Variants in PRKDC observed in about 807,000 individuals in gnomAD.
PRKDC encodes the protein protein kinase, DNA-activated, catalytic subunit.
In PRKDC, 82 loss-of-function variants were observed where a neutral mutation model predicts 486.9. The ratio of observed to expected loss-of-function variants is 0.17; its 90% CI spans 0.14 to 0.20. The LOEUF is 0.20. Among genes scored for constraint, PRKDC ranks in the 10% least tolerant of loss-of-function variants. The pLI is 1.00. For missense variants in PRKDC, 4,504 were observed against 5,038.2 expected, an observed-to-expected ratio of 0.89 and a Z score of 3.21; for synonymous variants, 1,895 against 1,837.0, an observed-to-expected ratio of 1.03 and a Z score of -0.81.
rs201478998 is a variant in PRKDC at position 47,858,730 on chromosome 8, C to CA, written c.6346-96dup. ...AAACAAGGACAAAGTAAGACATGAA[C>CA]AAAAAAAAATCACATTTATTTGATA... On this transcript the variant is annotated intron_variant, in intron 47 of 85. Transcript: ENST00000314191. 1,385 of 1,429,704 alleles carry CA rather than the reference C, an allele frequency of 9.7e-4. 9 individuals are homozygous for CA. The African/African-American group carries it at 0.012, about 12-fold the overall frequency. The allele number at this position is 1,429,704 out of a possible 1,614,324, so 88.6% of individuals were successfully genotyped here.
At chr8:47,786,639 A>G (rs1269693602) in intron 76 of PRKDC, among the ~76,000 whole-genome samples, 1 of 152,142 alleles carries the variant, frequency 6.6e-6, no homozygotes, top group Non-Finnish European at 1.5e-5. Flanking sequence ...AGCTGAAGAG[A>G]AAAATTTAAG....
chr8:47,939,963 A>C (rs964870499), intron 10 of PRKDC: 3 of 231,146 alleles, frequency 1.3e-5, no homozygotes, highest in East Asian at 8.1e-5. Context: ...AAAAAAAAAA[A>C]AAAAAAACCA....
In PRKDC at chr8:47,820,722, C is replaced by A. The variant is rs1301085461; in HGVS notation, c.9333G>T (p.Met3111Ile). ...YYIQNGIQSFMQNYSSIDVLL... is the reference protein window; with the variant it reads ...YYIQNGIQSFIQNYSSIDVLL... ...TATATATAATATATAGTATTACCTG[C>A]ATAAAACTCTGAATGCCATTTTGAA... Residue 3111 changes from methionine (M) to isoleucine (I), a missense_variant, in exon 66 of 86, where the codon ATG (methionine) becomes ATT (isoleucine). Transcript: ENST00000314191. The A allele has an allele frequency of 1.3e-6, 2 of 1,519,604 alleles. No individual in the cohort carries two copies. Among genetic ancestry groups the A allele is most frequent in the Non-Finnish European group, 1.8e-6 (2 of 1,123,804 alleles). 94.1% of individuals were successfully genotyped at this position (1,519,604 alleles called of 1,614,324 possible).
intron 40 of PRKDC, among the ~76,000 whole-genome samples, chr8:47,865,061 A>G (rs1009820066): frequency 1.3e-5 from 2 of 152,266 alleles, no homozygotes; most frequent in Admixed American, 6.5e-5. Context: ...AAGAATCTCA[A>G]GCCTAAAAAA....
chr8:47,852,487 G>T (rs1360271026), intron 52 of PRKDC, among the ~76,000 whole-genome samples, 186 bp downstream of exon 52: 1 of 152,152 alleles, frequency 6.6e-6, no homozygotes, highest in Non-Finnish European at 1.5e-5. Flanking sequence ...TAAAAATCAT[G>T]TGCCCTCTCT....
intron 20 of PRKDC, among the ~76,000 whole-genome samples, 160 bp downstream of exon 20, chr8:47,927,611 C>T (rs947652906): frequency 2.3e-4 from 35 of 152,172 alleles, no homozygotes; most frequent in Non-Finnish European, 7.3e-5. Context: ...CACCAAGGGT[C>T]TAAGTCCCAA....
chr8:47,914,609 G>C (rs1057485459), intron 23 of PRKDC, among the ~76,000 whole-genome samples: 2 of 152,082 alleles, frequency 1.3e-5, no homozygotes, highest in African/African-American at 4.8e-5. Context: ...AGACCAGCCT[G>C]GCCAACATGG....
At position 47,936,373 on chromosome 8, in the gene PRKDC, C is replaced by T. The variant is rs55925466; in HGVS notation, c.1258G>A (p.Val420Ile). ...MPSFLQSVASVLLYLDTVPEV... is the reference protein window; with the variant it reads ...MPSFLQSVASILLYLDTVPEV... ...CTTACTGTGTCAAGGTACAGCAAGA[C>T]GCTTGCAACAGACTGGAGGAAGCTT... Residue 420 changes from valine (V) to isoleucine (I), a missense_variant, in exon 12 of 86, where the codon GTC (valine) becomes ATC (isoleucine). This residue lies in a region of PRKDC where 1,969 missense variants were observed against 2,068.9 expected (regional missense o/e 0.95). Transcript: ENST00000314191. 44 of 1,612,670 alleles carry T rather than the reference C, an allele frequency of 2.7e-5. No individual in the cohort carries two copies. Among genetic ancestry groups the T allele is most frequent in the Non-Finnish European group, 3.5e-5 (41 of 1,179,184 alleles).
chr8:47,885,449 G>A (rs1435624161), intron 36 of PRKDC, among the ~76,000 whole-genome samples: 1 of 151,952 alleles, frequency 6.6e-6, no homozygotes, highest in African/African-American at 2.4e-5. Flanking sequence ...CACCATGCCT[G>A]GCCTAATATT....
intron 40 of PRKDC, among the ~76,000 whole-genome samples, chr8:47,869,704 C>T (rs187792831): frequency 2.4e-4 from 37 of 152,104 alleles, no homozygotes; most frequent in Non-Finnish European, 4.3e-4. Context: ...CCAGCTTGGC[C>T]ACAGAGGGGC....
intron 41 of PRKDC, among the ~76,000 whole-genome samples, chr8:47,863,853 T>C (rs995697362): frequency 1.3e-5 from 2 of 152,176 alleles, no homozygotes; most frequent in African/African-American, 4.8e-5. Flanking sequence ...ACTGAAGACA[T>C]GGGAACAACA....
At chr8:47,795,777 G>A (rs1013831352) in intron 73 of PRKDC, among the ~76,000 whole-genome samples, 1 of 152,076 alleles carries the variant, frequency 6.6e-6, no homozygotes, top group South Asian at 2.1e-4. Context: ...ACAGGCATGA[G>A]CCACCGCGCC....
rs1300094473 is a variant in PRKDC, at chr8:47,882,095, C to T, written c.4779G>A (p.Val1593=). 1 of 1,599,098 alleles carries T rather than the reference C, an allele frequency of 6.3e-7. No individual in the cohort carries two copies. The highest frequency in any genetic ancestry group is 8.5e-7 in the Non-Finnish European group (1 of 1,173,966). The change falls in exon 37 of 86, where the codon GTG becomes GTA. Residue 1593 remains valine, a splice_region_variant and synonymous_variant. Transcript: ENST00000314191. ...MQSSVDNTKM[V]SAVLNGMLDQ... The stretch of plus-strand genomic sequence containing the variant: ...CTAACATGCCGTTCAAAACGGCACT[C>T]ACCTGAGACAATTTCGTTGTGAGTG...
intron 54 of PRKDC, among the ~76,000 whole-genome samples, chr8:47,848,599 C>A (rs189297353): frequency 6.7e-6 from 1 of 148,888 alleles, no homozygotes; most frequent in Non-Finnish European, 1.5e-5. Context: ...AATATACCTT[C>A]GTAACAAACC....
In PRKDC at chr8:47,849,314, A is replaced by T; in HGVS notation, c.7131-11T>A. ...ACAGCATTCATGAACCTGGCGGGGA[A>T]GGGAACTGGTGAGAGGAGGGCCGAG... On this transcript the variant is annotated splice_polypyrimidine_tract_variant and intron_variant, in intron 53 of 85. Coordinates refer to ENST00000314191, the MANE Select transcript of PRKDC (RefSeq NM_006904.7). The T allele has an allele frequency of 6.2e-7, 1 of 1,613,986 alleles. No individual in the cohort carries two copies. Among genetic ancestry groups the T allele is most frequent in the Non-Finnish European group, 8.5e-7 (1 of 1,179,872 alleles).
At chr8:47,873,922 GA>G (rs2089023836) in intron 40 of PRKDC, among the ~76,000 whole-genome samples, 1 of 151,604 alleles carries the variant, frequency 6.6e-6, no homozygotes, top group Non-Finnish European at 1.5e-5. Context: ...TGGTTAGATA[GA>G]ATAAATAAGA....
intron 54 of PRKDC, among the ~76,000 whole-genome samples, chr8:47,847,242 C>A (rs2088288372): frequency 2.0e-5 from 3 of 152,130 alleles, no homozygotes; most frequent in Admixed American, 2.0e-4. Flanking sequence ...CTTCACTATA[C>A]TACAGGGATA....
intron 40 of PRKDC, among the ~76,000 whole-genome samples, chr8:47,874,576 G>C (rs1406000313): frequency 1.3e-5 from 2 of 152,008 alleles, no homozygotes; most frequent in African/African-American, 2.4e-5. Context: ...TGGGCAACAC[G>C]GCGAAACCCT....
intron 21 of PRKDC, among the ~76,000 whole-genome samples, chr8:47,920,217 C>G (rs967996299): frequency 2.6e-5 from 4 of 152,212 alleles, no homozygotes; most frequent in Admixed American, 2.0e-4. Context: ...TTCACCACTC[C>G]ACACTCTATA....
Sources: gnomAD v4.1 joint callset for allele counts (sites outside exome capture counted in the v4.1 genomes callset) on GRCh38, gnomAD v4.1.1 for gene constraint, gnomAD v4.1.1 regional missense constraint, MANE v1.5 for transcripts, NCBI Gene and HGNC (gene_info 2026-07-23, HGNC 2026-07-21) for gene names.